The following PRIM2 variants were observed in gnomAD, a reference collection of about 807,000 sequenced individuals.
The protein encoded by PRIM2 is DNA primase large subunit.
PRIM2 carries 39 observed loss-of-function variants against 67.3 expected under a neutral mutation model. The observed-to-expected ratio is 0.58, with a 90% confidence interval of 0.45 to 0.76. The LOEUF (loss-of-function observed/expected upper bound fraction) is 0.76, where lower values mean the gene tolerates loss of function less well. PRIM2 is among the 30% of genes least tolerant of loss of function. The pLI, the probability that PRIM2 is intolerant of heterozygous loss-of-function variation, is 0.00. For missense variants in PRIM2, 398 were observed against 598.7 expected (o/e 0.66, Z 3.50); for synonymous variants, 143 against 198.7 (o/e 0.72, Z 2.36).
chr6:57,472,320 C>T (rs1213556442), intron 7 of PRIM2, among the ~76,000 whole-genome samples: 2 of 151,496 alleles, frequency 1.3e-5, no homozygotes, highest in Admixed American at 6.6e-5. Context: ...ATACCAGCTA[C>T]TCGGGAGGCT....
chr6:57,627,512 C>T, intron 12 of PRIM2, among the ~76,000 whole-genome samples: 1 of 151,236 alleles, frequency 6.6e-6, no homozygotes, highest in East Asian at 2.0e-4. Context: ...CCTCAGCCTC[C>T]TGAGTAGCTG....
intron 7 of PRIM2, among the ~76,000 whole-genome samples, chr6:57,464,175 C>T (rs529639874): frequency 6.6e-6 from 1 of 152,150 alleles, no homozygotes; most frequent in Non-Finnish European, 1.5e-5. Context: ...AATAATGTCA[C>T]GTTTGTTTGT....
the PRIM2 span, among the ~76,000 whole-genome samples, chr6:57,245,831 G>A: frequency 6.6e-6 from 1 of 152,094 alleles, no homozygotes; most frequent in Non-Finnish European, 1.5e-5. Flanking sequence ...TGGGGTTTGG[G>A]GCATGAGAGT....
intron 5 of PRIM2, among the ~76,000 whole-genome samples, chr6:57,346,690 A>T (rs1314741396): frequency 1.3e-5 from 2 of 152,096 alleles, no homozygotes; most frequent in Non-Finnish European, 2.9e-5. Context: ...TGAAAAGTTA[A>T]TTCTTTTTGG....
the PRIM2 span, among the ~76,000 whole-genome samples, chr6:57,267,437 A>C: frequency 6.6e-6 from 1 of 152,110 alleles, no homozygotes; most frequent in Non-Finnish European, 1.5e-5. Context: ...GCTCAATCCC[A>C]GTGGCATCTC....
At chr6:57,317,358 G>A (rs957887999), upstream of PRIM2, among the ~76,000 whole-genome samples, 1 of 152,138 alleles carries the variant, frequency 6.6e-6, no homozygotes, top group African/African-American at 2.4e-5. Context: ...TCGGCGTGTG[G>A]GAGTTTTCGC....
intron 10 of PRIM2, among the ~76,000 whole-genome samples, chr6:57,539,218 A>G (rs1775081862): frequency 6.6e-6 from 1 of 152,168 alleles, no homozygotes; most frequent in African/African-American, 2.4e-5. Flanking sequence ...AATATGAAAA[A>G]TACAGAAAAA....
chr6:57,619,154 A>C (rs1776806900), intron 12 of PRIM2, among the ~76,000 whole-genome samples: 1 of 152,214 alleles, frequency 6.6e-6, no homozygotes, highest in Non-Finnish European at 1.5e-5. Flanking sequence ...TGGATGGTTA[A>C]ACCCAGAAGA....
intron 7 of PRIM2, among the ~76,000 whole-genome samples, chr6:57,476,630 AGATGAATTT>A (rs1773483454): frequency 6.6e-6 from 1 of 152,234 alleles, no homozygotes; most frequent in African/African-American, 2.4e-5. Context: ...CAGCTGTGAA[AGATGAATTT>A]TCAGATGTAT....
the PRIM2 span, among the ~76,000 whole-genome samples, chr6:57,267,673 C>T: frequency 1.1e-4 from 17 of 151,310 alleles, no homozygotes; most frequent in Non-Finnish European, 1.6e-4. Context: ...CTTTGGGAGG[C>T]GGAGGCGGGA....
chr6:57,465,983 C>G (rs574809816), intron 7 of PRIM2, among the ~76,000 whole-genome samples: 1 of 151,980 alleles, frequency 6.6e-6, no homozygotes, highest in African/African-American at 2.4e-5. Context: ...CTCCCCACCC[C>G]CTGACAGGCC....
intron 7 of PRIM2, among the ~76,000 whole-genome samples, chr6:57,463,543 T>TA (rs1773080557): frequency 6.6e-6 from 1 of 152,188 alleles, no homozygotes. Context: ...ATAATATCTC[T>TA]GGTTGTTTCT....
chr6:57,348,635 A>C (rs1051315409), intron 5 of PRIM2, among the ~76,000 whole-genome samples: 12 of 152,146 alleles, frequency 7.9e-5, no homozygotes, highest in African/African-American at 2.9e-4. Flanking sequence ...GTTTGTAAAA[A>C]TGATTGGCAA....
At chr6:57,237,411 T>G in the PRIM2 span, among the ~76,000 whole-genome samples, 18 of 152,220 alleles carry the variant, frequency 1.2e-4, no homozygotes, top group Non-Finnish European at 2.1e-4. Flanking sequence ...CAGAAGCTCT[T>G]TAGTTTAATT....
chr6:57,271,879 T>C, the PRIM2 span, among the ~76,000 whole-genome samples: 1 of 152,236 alleles, frequency 6.6e-6, no homozygotes, highest in Non-Finnish European at 1.5e-5. Context: ...CTTCATTTTG[T>C]TATTTACCCA....
chr6:57,581,288 C>T (rs1254729248), intron 10 of PRIM2, among the ~76,000 whole-genome samples: 1 of 152,076 alleles, frequency 6.6e-6, no homozygotes, highest in African/African-American at 2.4e-5. Context: ...TCTGGTGATA[C>T]TTGTTTTATG....
the PRIM2 span, among the ~76,000 whole-genome samples, chr6:57,226,643 C>G: frequency 0.092 from 14,053 of 152,168 alleles, 704 homozygotes; most frequent in Middle Eastern, 0.22. Flanking sequence ...ATCCACTGGA[C>G]AGTTTTAAAA....
intron 10 of PRIM2, among the ~76,000 whole-genome samples, chr6:57,593,733 A>G (rs1276846684): frequency 6.6e-6 from 1 of 152,210 alleles, no homozygotes; most frequent in Non-Finnish European, 1.5e-5. Context: ...AAATTTGAAA[A>G]CCAGAGATGA....
chr6:57,597,085 T>C lies in PRIM2; in HGVS notation c.1021-4008T>C, dbSNP rs1417213548. On this transcript the variant is annotated intron_variant, in intron 10 of 13. Transcript: ENST00000615550. ...TTTATCAGATACTGAGTAGGCATGC[T>C]ACGATGAGTACGCAACCAAGTCCCT... Among the ~76,000 whole-genome samples, 4 of 151,868 alleles carry C rather than the reference T, an allele frequency of 2.6e-5. No individual in the cohort carries two copies. The East Asian group carries it at 7.9e-4, about 30-fold the overall frequency.
Sources: allele counts gnomAD v4.1 joint callset (sites outside exome capture counted in the v4.1 genomes callset), GRCh38; gene constraint gnomAD v4.1.1; transcripts MANE v1.5; gene names NCBI Gene and HGNC (gene_info 2026-07-23, HGNC 2026-07-21).